The following LHFPL4 variants were observed in gnomAD, a reference collection of about 807,000 sequenced individuals.
The protein encoded by LHFPL4 is LHFPL tetraspan subfamily member 4 protein.
LHFPL4 carries 6 observed loss-of-function variants against 20.0 expected under a neutral mutation model. That is an observed-to-expected ratio of 0.30 (90% confidence interval 0.16 to 0.59). The LOEUF (loss-of-function observed/expected upper bound fraction) is 0.59, where lower values mean the gene tolerates loss of function less well. Among genes scored for constraint, LHFPL4 ranks in the 20% least tolerant of loss-of-function variants. The pLI, the probability that LHFPL4 is intolerant of heterozygous loss-of-function variation, is 0.88. For synonymous variants in LHFPL4, 129 were observed against 143.8 expected (o/e 0.90, Z 0.74); for missense variants, 215 against 331.2 (o/e 0.65, Z 2.72).
chr3:9,498,778 C>G lies in LHFPL4; in HGVS notation c.*3433G>C, dbSNP rs1559512160. 6.6e-6 allele frequency: 1 copy of G among 152,666 alleles called. No homozygotes were observed. Among genetic ancestry groups the G allele is most frequent in the East Asian group, 1.9e-4 (1 of 5,204 alleles). 9.5% of individuals were successfully genotyped at this position (152,666 alleles called of 1,614,324 possible). A position where few individuals can be genotyped will look rare whatever the true frequency, so the allele number is the denominator to read the frequency against. ...ATTCCCCGTGTGCCCAAGCAGGATG[C>G]TCAAAAGGCCAGGGACTCTCCCCAC... On this transcript the variant is annotated 3_prime_UTR_variant, in exon 4 of 4. Transcript: ENST00000287585.
intron 2 of LHFPL4, among the ~76,000 whole-genome samples, chr3:9,544,898 C>T (rs147590901): frequency 1.3e-5 from 2 of 152,282 alleles, no homozygotes; most frequent in African/African-American, 4.8e-5. Flanking sequence ...TGGAAGTCCC[C>T]TCCCTGCCCT....
intron 2 of LHFPL4, among the ~76,000 whole-genome samples, chr3:9,551,767 C>A (rs761121090): frequency 6.6e-6 from 1 of 152,288 alleles, no homozygotes; most frequent in East Asian, 1.9e-4. Flanking sequence ...AACACTCTTT[C>A]ATTTGTCCTT....
chr3:9,525,185 G>C (rs1221451372), intron 2 of LHFPL4, among the ~76,000 whole-genome samples: 2 of 152,068 alleles, frequency 1.3e-5, no homozygotes, highest in Non-Finnish European at 2.9e-5. Flanking sequence ...AACCATGAGG[G>C]GATTTTTCTT....
intron 2 of LHFPL4, among the ~76,000 whole-genome samples, chr3:9,547,514 T>G (rs2046523161): frequency 7.2e-5 from 11 of 152,254 alleles, no homozygotes; most frequent in Admixed American, 6.5e-4. Flanking sequence ...TGTATTAGAC[T>G]TGCGTTGAGT....
At chr3:9,522,566 C>T (rs1283382681) in intron 2 of LHFPL4, among the ~76,000 whole-genome samples, 1 of 151,180 alleles carries the variant, frequency 6.6e-6, no homozygotes, top group Non-Finnish European at 1.5e-5. Flanking sequence ...ATGATGAAGC[C>T]TTGTTTCTAC....
intron 2 of LHFPL4, among the ~76,000 whole-genome samples, chr3:9,539,823 A>G (rs981712176): frequency 2.0e-5 from 3 of 152,060 alleles, no homozygotes; most frequent in Non-Finnish European, 2.9e-5. Flanking sequence ...TTAAAAATAT[A>G]TATATAATAT....
At chr3:9,552,225 C>A (rs779834316) in intron 2 of LHFPL4, 49 bp downstream of exon 2, 2 of 1,543,556 alleles carry the variant, frequency 1.3e-6, no homozygotes, top group South Asian at 1.3e-5. Flanking sequence ...CAGGAAGGAG[C>A]CCCGTCCCTG....
intron 2 of LHFPL4, among the ~76,000 whole-genome samples, chr3:9,514,120 T>C (rs2046281035): frequency 6.6e-6 from 1 of 152,154 alleles, no homozygotes; most frequent in East Asian, 1.9e-4. Flanking sequence ...GTTGTATATG[T>C]TGTCATGATC....
chr3:9,537,201 G>C (rs987780718), intron 2 of LHFPL4, among the ~76,000 whole-genome samples: 2 of 152,074 alleles, frequency 1.3e-5, no homozygotes, highest in Admixed American at 1.3e-4. Flanking sequence ...CATTTCCTCT[G>C]GTGCCATTCA....
chr3:9,535,267 T>G (rs542098619), intron 2 of LHFPL4, among the ~76,000 whole-genome samples: 1 of 152,322 alleles, frequency 6.6e-6, no homozygotes, highest in Non-Finnish European at 1.5e-5. Context: ...CTATAATAAG[T>G]ACTTTACACA....
chr3:9,552,710 CGGCTGGCGGG>C lies in LHFPL4; in HGVS notation c.-41_-32del. 1 of 1,274,492 alleles carries C rather than the reference CGGCTGGCGGG, an allele frequency of 7.8e-7. No individual in the cohort carries two copies. Among genetic ancestry groups the C allele is most frequent in the East Asian group, 3.2e-5 (1 of 31,058 alleles). The allele number at this position is 1,274,492 out of a possible 1,614,324, so 78.9% of individuals were successfully genotyped here. ...CCGGAGGCGGGGCCGGCGGCGGCGG[CGGCTGGCGGG>C]GGCCGCCGGCCCGGGACGGAGCGCC... is the stretch of plus-strand genomic sequence containing the variant. On this transcript the variant is annotated 5_prime_UTR_variant, in exon 2 of 4. Transcript: ENST00000287585.
At chr3:9,532,931 C>T (rs1198135086) in intron 2 of LHFPL4, among the ~76,000 whole-genome samples, 1 of 152,192 alleles carries the variant, frequency 6.6e-6, no homozygotes, top group Non-Finnish European at 1.5e-5. Context: ...AAACAGGCCT[C>T]AGTGGGGGCA....
rs1207180557 is a variant in LHFPL4 at position 9,500,669 on chromosome 3, T to C, written c.*1542A>G. 1 of 152,270 alleles carries C rather than the reference T, an allele frequency of 6.6e-6. No homozygotes were observed. The highest frequency in any genetic ancestry group is 2.4e-5 in the African/African-American group (1 of 41,448). 9.4% of individuals were successfully genotyped at this position (152,270 alleles called of 1,614,324 possible). A position where few individuals can be genotyped will look rare whatever the true frequency, so the allele number is the denominator to read the frequency against. On this transcript the variant is annotated 3_prime_UTR_variant, in exon 4 of 4. Coordinates refer to ENST00000287585, the MANE Select transcript of LHFPL4 (RefSeq NM_198560.3). The stretch of plus-strand genomic sequence containing the variant: ...AGGCCCGAGGCGGCTTCCCCTGGCA[T>C]CCTGCAGGGCACCGCCCCTTCCCTG...
chr3:9,515,230 CTGT>C (rs2046291482), intron 2 of LHFPL4, among the ~76,000 whole-genome samples: 1 of 151,964 alleles, frequency 6.6e-6, no homozygotes, highest in South Asian at 2.1e-4. Context: ...TTGTTTGAAA[CTGT>C]ATTTCCCAGA....
intron 2 of LHFPL4, among the ~76,000 whole-genome samples, chr3:9,533,906 A>T (rs1482865560): frequency 2.0e-5 from 3 of 151,690 alleles, no homozygotes; most frequent in East Asian, 3.9e-4. Flanking sequence ...TAGATTTATG[A>T]CTTTAAAAAA....
intron 2 of LHFPL4, among the ~76,000 whole-genome samples, chr3:9,509,800 A>T (rs890151288): frequency 6.6e-6 from 1 of 152,240 alleles, no homozygotes; most frequent in African/African-American, 2.4e-5. Context: ...GAAAGGGACC[A>T]GTAGAGATAG....
At chr3:9,544,495 G>T (rs1001374078) in intron 2 of LHFPL4, among the ~76,000 whole-genome samples, 2 of 151,830 alleles carry the variant, frequency 1.3e-5, no homozygotes, top group Non-Finnish European at 1.5e-5. Context: ...CATGGTGGTG[G>T]GCACCTGTAC....
At chr3:9,514,817 C>G (rs1235473365) in intron 2 of LHFPL4, among the ~76,000 whole-genome samples, 1 of 152,190 alleles carries the variant, frequency 6.6e-6, no homozygotes, top group East Asian at 1.9e-4. Context: ...CTCCATATCT[C>G]CTCATGGCTT....
At chr3:9,519,496 T>C (rs1011066222) in intron 2 of LHFPL4, among the ~76,000 whole-genome samples, 6 of 152,188 alleles carry the variant, frequency 3.9e-5, no homozygotes, top group Non-Finnish European at 8.8e-5. Context: ...TCGATTTTCT[T>C]TATTGATTTC....
Sources: allele counts gnomAD v4.1 joint callset (sites outside exome capture counted in the v4.1 genomes callset), GRCh38; gene constraint gnomAD v4.1.1; transcripts MANE v1.5; gene names NCBI Gene and HGNC (gene_info 2026-07-23, HGNC 2026-07-21).